Variants in SV2C observed in about 807,000 individuals in gnomAD.
SV2C encodes the protein synaptic vesicle glycoprotein 2C.
Under a neutral mutation model 79.7 loss-of-function variants are expected in SV2C, and 49 were observed. That is an observed-to-expected ratio of 0.61 (90% CI 0.49 to 0.78). SV2C has a LOEUF of 0.78. SV2C is among the 30% of genes least tolerant of loss of function. The pLI is 0.00. For missense variants in SV2C, 833 were observed against 912.9 expected (o/e 0.91, Z 1.13); for synonymous variants, 334 against 333.2 (o/e 1.00, Z -0.03).
At chr5:76,247,037 G>A (rs1057261390) in intron 4 of SV2C, among the ~76,000 whole-genome samples, 3 of 152,176 alleles carry the variant, frequency 2.0e-5, no homozygotes, top group African/African-American at 7.2e-5. Context: ...TATGTGCTGA[G>A]AGATGTATTG....
At chr5:75,951,291 A>C in the SV2C span, among the ~76,000 whole-genome samples, 4 of 152,132 alleles carry the variant, frequency 2.6e-5, no homozygotes, top group African/African-American at 4.8e-5. Context: ...ATTGAGTGCA[A>C]ACATGTCTGC....
chr5:76,048,963 A>G, the SV2C span, among the ~76,000 whole-genome samples: 246 of 39,300 alleles, frequency 6.3e-3, 6 homozygotes, highest in African/African-American at 0.016. Flanking sequence ...GAGAAAGAAA[A>G]AGAGAAAGAA....
the SV2C span, among the ~76,000 whole-genome samples, chr5:76,011,416 A>G: frequency 6.6e-6 from 1 of 152,140 alleles, no homozygotes; most frequent in African/African-American, 2.4e-5. Flanking sequence ...CTGAGATTAT[A>G]TACTAGAGCT....
chr5:76,016,630 T>A, the SV2C span, among the ~76,000 whole-genome samples: 1 of 152,158 alleles, frequency 6.6e-6, no homozygotes, highest in Non-Finnish European at 1.5e-5. Context: ...GAATACCAGC[T>A]CTCCAGGGTT....
At chr5:76,091,134 A>T (rs1255248976) in intron 1 of SV2C, among the ~76,000 whole-genome samples, 2 of 152,234 alleles carry the variant, frequency 1.3e-5, no homozygotes, top group Non-Finnish European at 2.9e-5. Context: ...AGAATACTCC[A>T]GTCAATGCAT....
At chr5:76,034,613 T>C in the SV2C span, among the ~76,000 whole-genome samples, 2 of 152,182 alleles carry the variant, frequency 1.3e-5, no homozygotes, top group African/African-American at 4.8e-5. Context: ...TTGATCATGG[T>C]GGATAAGCTT....
At chr5:75,966,110 C>T in the SV2C span, among the ~76,000 whole-genome samples, 1 of 152,156 alleles carries the variant, frequency 6.6e-6, no homozygotes. Context: ...GCCTTCAAAA[C>T]AAATTGTGGA....
the SV2C span, among the ~76,000 whole-genome samples, chr5:75,957,005 C>A: frequency 6.6e-6 from 1 of 151,946 alleles, no homozygotes; most frequent in Non-Finnish European, 1.5e-5. Flanking sequence ...TAAGTCCAGG[C>A]CCAAGTCCAT....
At chr5:76,103,782 A>C (rs1465161517) in intron 1 of SV2C, among the ~76,000 whole-genome samples, 1 of 152,244 alleles carries the variant, frequency 6.6e-6, no homozygotes, top group Non-Finnish European at 1.5e-5. Flanking sequence ...AATTCTGCTA[A>C]ACATTTAAAG....
At chr5:76,165,881 G>A (rs964543572) in intron 2 of SV2C, among the ~76,000 whole-genome samples, 1 of 152,184 alleles carries the variant, frequency 6.6e-6, no homozygotes, top group Non-Finnish European at 1.5e-5. Flanking sequence ...AGCAGGAACT[G>A]AATTGAGATT....
chr5:76,164,939 A>G (rs1438628438), intron 2 of SV2C, among the ~76,000 whole-genome samples: 1 of 152,186 alleles, frequency 6.6e-6, no homozygotes, highest in Non-Finnish European at 1.5e-5. Context: ...ATAATATCTA[A>G]TAAAATGTAT....
rs772902188 is a variant in SV2C, at chr5:76,132,026, G to A, written c.276G>A (p.Glu92=). The A allele has an allele frequency of 1.7e-5, 28 of 1,612,764 alleles. No homozygotes were observed. The highest frequency in any genetic ancestry group is 2.3e-5 in the Non-Finnish European group (27 of 1,179,390). ...AAGATGATGAGATCTATGAGGGGGA[G>A]TATCAGGGCATCCCCAGTATGAACC... ...HDEDDEIYEG[E]YQGIPSMNQA... is the part of the protein sequence containing the mutation. The change falls in exon 2 of 13, where the codon GAG becomes GAA. Residue 92 remains glutamate (E), a synonymous_variant. Coordinates refer to ENST00000502798, the MANE Select transcript of SV2C (RefSeq NM_014979.4).
the SV2C span, among the ~76,000 whole-genome samples, chr5:75,884,827 G>A: frequency 1.3e-5 from 2 of 151,680 alleles, no homozygotes; most frequent in African/African-American, 4.8e-5. Context: ...AATTAAAATA[G>A]AAAAAGAAAA....
At chr5:75,873,477 G>A in the SV2C span, among the ~76,000 whole-genome samples, 4,039 of 152,078 alleles carry the variant, frequency 0.027, 173 homozygotes, top group African/African-American at 0.092. Context: ...ACTAATGTAA[G>A]TAGCATATTC....
intron 4 of SV2C, among the ~76,000 whole-genome samples, chr5:76,239,383 A>G (rs1425809117): frequency 1.3e-5 from 2 of 152,238 alleles, no homozygotes; most frequent in Admixed American, 1.3e-4. Context: ...CTATTGCTGC[A>G]TAACAAATCA....
chr5:76,021,685 A>G, the SV2C span, among the ~76,000 whole-genome samples: 2 of 152,198 alleles, frequency 1.3e-5, no homozygotes, highest in Non-Finnish European at 2.9e-5. Context: ...TTCCTTCAAC[A>G]TCAGTTTTAC....
the SV2C span, among the ~76,000 whole-genome samples, chr5:76,010,481 G>A: frequency 1.1e-4 from 16 of 152,272 alleles, no homozygotes; most frequent in Non-Finnish European, 2.4e-4. Context: ...ATAGCTTTCA[G>A]ATAGAAGGAA....
chr5:75,970,078 G>T, the SV2C span, among the ~76,000 whole-genome samples: 1 of 152,020 alleles, frequency 6.6e-6, no homozygotes, highest in Non-Finnish European at 1.5e-5. Flanking sequence ...TGACTACTGG[G>T]TACATAACAA....
At chr5:76,337,407 T>G (rs1264401460), downstream of SV2C, among the ~76,000 whole-genome samples, 4 of 152,162 alleles carry the variant, frequency 2.6e-5, no homozygotes, top group East Asian at 7.7e-4. Context: ...AAAGACCCTA[T>G]CTCCAAACTC....
Sources: gnomAD v4.1 joint callset for allele counts (sites outside exome capture counted in the v4.1 genomes callset) on GRCh38, gnomAD v4.1.1 for gene constraint, MANE v1.5 for transcripts, NCBI Gene and HGNC (gene_info 2026-07-23, HGNC 2026-07-21) for gene names.